CACNA2D1: variants seen among roughly 807,000 people sequenced by gnomAD.
CACNA2D1 encodes the protein voltage-dependent calcium channel subunit alpha-2/delta-1.
A neutral mutation model predicts 171.5 loss-of-function variants in CACNA2D1; 53 were observed. The ratio of observed to expected loss-of-function variants is 0.31; its 90% CI spans 0.25 to 0.39. The LOEUF is 0.39. CACNA2D1 is among the 10% of genes least tolerant of loss of function. The pLI, the probability that CACNA2D1 is intolerant of heterozygous loss-of-function variation, is 1.00. For missense variants in CACNA2D1, 903 were observed against 1,299.8 expected (o/e 0.69, Z 4.69); for synonymous variants, 442 against 443.1 (o/e 1.00, Z 0.03).
chr7:82,323,221 T>C (rs1399823393), intron 3 of CACNA2D1, among the ~76,000 whole-genome samples: 1 of 151,996 alleles, frequency 6.6e-6, no homozygotes, highest in Non-Finnish European at 1.5e-5. Flanking sequence ...AACTAGCACA[T>C]TCAGATCAGA....
rs1244703563 is a variant in CACNA2D1 at position 82,098,884 on chromosome 7, TCAA to T, written c.527-13987_527-13985del. Among the ~76,000 whole-genome samples, 15 of 152,284 alleles carry T rather than the reference TCAA, an allele frequency of 9.9e-5. No individual in the cohort carries two copies. The East Asian group carries it at 2.9e-3, about 29-fold the overall frequency. On this transcript the variant is annotated intron_variant, in intron 6 of 38. Coordinates refer to ENST00000356860, the MANE Select transcript of CACNA2D1 (RefSeq NM_000722.4). Reference sequence around the variant, plus strand: ...TAGAAACTTATCAGATTTTTAATCCTCAACAATAAAACTATAAATGACTTTTCA... The same window carrying T: ...TAGAAACTTATCAGATTTTTAATCCTCAATAAAACTATAAATGACTTTTCA...
intron 37 of CACNA2D1, 89 bp downstream of exon 37, chr7:81,959,631 T>A: frequency 7.3e-7 from 1 of 1,375,590 alleles, no homozygotes; most frequent in Non-Finnish European, 1.0e-6. Context: ...GTCTAATAGT[T>A]TTCTCTTTAT....
intron 22 of CACNA2D1, 38 bp from the exon 23 acceptor site, chr7:81,983,372 A>G: frequency 6.5e-7 from 1 of 1,546,744 alleles, no homozygotes; most frequent in African/African-American, 1.4e-5. Flanking sequence ...CAGGGAAACA[A>G]AAAAAAAAGA....
chr7:82,407,829 G>T (rs569990193), intron 1 of CACNA2D1, among the ~76,000 whole-genome samples: 66 of 151,908 alleles, frequency 4.3e-4, no homozygotes, highest in Non-Finnish European at 7.9e-4. Context: ...CTATTGAACT[G>T]ATATAGCCCA....
chr7:82,213,686 T>C (rs1046181432), intron 3 of CACNA2D1, among the ~76,000 whole-genome samples: 2 of 152,154 alleles, frequency 1.3e-5, no homozygotes, highest in African/African-American at 4.8e-5. Context: ...CTGACCATTG[T>C]TTACTCTTCT....
Position 82,094,617 on chromosome 7 carries a change from T to A in CACNA2D1, c.527-9717A>T, listed in dbSNP as rs547419602. ...GCAGATCTTAATACAGACAGGAATC[T>A]TTTTCTCTTCCAATAAATCATGTAT... is the stretch of plus-strand genomic sequence containing the variant. On this transcript the variant is annotated intron_variant, in intron 6 of 38. Transcript: ENST00000356860. 2.8e-5 allele frequency among the ~76,000 whole-genome samples: 4 copies of A among 141,942 alleles called. No individual in the cohort carries two copies. The East Asian group carries it at 8.0e-4, about 28-fold the overall frequency. 93.1% of individuals were successfully genotyped at this position (141,942 alleles called of 152,430 possible). A position where few individuals can be genotyped will look rare whatever the true frequency, so the allele number is the denominator to read the frequency against.
intron 1 of CACNA2D1, among the ~76,000 whole-genome samples, chr7:82,365,196 T>G (rs1821545696): frequency 6.6e-6 from 1 of 152,170 alleles, no homozygotes; most frequent in Admixed American, 6.5e-5. Context: ...ATGTGGGGTT[T>G]CCCTTAAAAA....
intron 24 of CACNA2D1, among the ~76,000 whole-genome samples, chr7:81,976,951 G>A (rs1250135333): frequency 6.6e-6 from 1 of 152,198 alleles, no homozygotes; most frequent in African/African-American, 2.4e-5. Context: ...GAGATTTTGG[G>A]AAGAGACAAT....
intron 6 of CACNA2D1, among the ~76,000 whole-genome samples, chr7:82,095,089 G>C (rs916030311): frequency 9.9e-5 from 15 of 152,232 alleles, no homozygotes; most frequent in Middle Eastern, 6.8e-3. Flanking sequence ...ACAAGCCCAA[G>C]CCATAACAAG....
At chr7:82,248,288 T>C (rs1340152286) in intron 3 of CACNA2D1, among the ~76,000 whole-genome samples, 1 of 152,218 alleles carries the variant, frequency 6.6e-6, no homozygotes, top group African/African-American at 2.4e-5. Flanking sequence ...CATGTCTCTG[T>C]GACGGTTCTT....
At position 82,117,179 on chromosome 7, in the gene CACNA2D1, T is replaced by C. The variant is rs200817801; in HGVS notation, c.397-6A>G. The C allele has an allele frequency of 2.9e-4, 470 of 1,613,158 alleles. No individual in the cohort carries two copies. Among genetic ancestry groups the C allele is most frequent in the South Asian group, 1.5e-3 (139 of 91,072 alleles). On this transcript the variant is annotated splice_polypyrimidine_tract_variant and splice_region_variant and intron_variant, in intron 5 of 38. Coordinates refer to ENST00000356860, the MANE Select transcript of CACNA2D1 (RefSeq NM_000722.4). Reference sequence around the variant, plus strand: ...TCACTGTCATTTTTCTCAGGCTATATAGAAAAAGAATAAACAGAATATTAC... The same window carrying C: ...TCACTGTCATTTTTCTCAGGCTATACAGAAAAAGAATAAACAGAATATTAC...
At position 81,947,253 on chromosome 7, in the gene CACNA2D1, C is replaced by G. The variant is rs1000512118; in HGVS notation, c.*3139G>C. 59 of 151,410 alleles carry G rather than the reference C, an allele frequency of 3.9e-4. No individual in the cohort carries two copies. The highest frequency in any genetic ancestry group is 1.4e-3 in the African/African-American group (57 of 41,364). 9.4% of individuals were successfully genotyped at this position (151,410 alleles called of 1,614,324 possible). On this transcript the variant is annotated 3_prime_UTR_variant, in exon 39 of 39. Transcript: ENST00000356860. Reference sequence around the variant, plus strand: ...TAAAAGGGATACTGCCTATTTGAACCCGATAAGTCCAGTTTTAAAGTTAAT... The same window carrying G: ...TAAAAGGGATACTGCCTATTTGAACGCGATAAGTCCAGTTTTAAAGTTAAT...
intron 15 of CACNA2D1, 92 bp from the exon 16 acceptor site, chr7:82,007,848 T>G (rs967447025): frequency 1.3e-6 from 1 of 747,320 alleles, no homozygotes; most frequent in Admixed American, 1.9e-5. Flanking sequence ...GATTGCATTT[T>G]ATAGTTACTT....
chr7:82,217,505 A>T (rs1801273968), intron 3 of CACNA2D1, among the ~76,000 whole-genome samples: 1 of 149,086 alleles, frequency 6.7e-6, no homozygotes, highest in African/African-American at 2.5e-5. Context: ...TTCCAAAGTC[A>T]ACTAAAAAGT....
chr7:82,353,321 A>G (rs1436584002), intron 1 of CACNA2D1, among the ~76,000 whole-genome samples: 1 of 152,078 alleles, frequency 6.6e-6, no homozygotes, highest in African/African-American at 2.4e-5. Context: ...TTTCTCAGGT[A>G]GAGGATGATG....
In CACNA2D1 at chr7:82,277,745, C is replaced by CTTTTTTTTTTT. The variant is rs1186719410; in HGVS notation, c.294+57389_294+57390insAAAAAAAAAAA. Among the ~76,000 whole-genome samples, 4 of 142,094 alleles carry CTTTTTTTTTTT rather than the reference C, an allele frequency of 2.8e-5. 1 individual carries two copies. Among genetic ancestry groups the CTTTTTTTTTTT allele is most frequent in the Non-Finnish European group, 1.5e-5 (1 of 66,144 alleles). 93.2% of individuals were successfully genotyped at this position (142,094 alleles called of 152,430 possible). On this transcript the variant is annotated intron_variant, in intron 3 of 38. Coordinates refer to ENST00000356860, the MANE Select transcript of CACNA2D1 (RefSeq NM_000722.4). ...GCATATTTGATTTTTTAATTTTTTA[C>CTTTTTTTTTTT]TTTTATTTTTTTTTTTTTGAGATGG...
chr7:82,277,135 A>G (rs1016564740), intron 3 of CACNA2D1, among the ~76,000 whole-genome samples: 1 of 152,128 alleles, frequency 6.6e-6, no homozygotes, highest in Non-Finnish European at 1.5e-5. Flanking sequence ...GTTTTGTTGG[A>G]CAGACTTTTC....
At chr7:82,009,737 T>C (rs1428345874) in intron 15 of CACNA2D1, among the ~76,000 whole-genome samples, 1 of 152,044 alleles carries the variant, frequency 6.6e-6, no homozygotes, top group Admixed American at 6.6e-5. Flanking sequence ...TGGGCCCAAC[T>C]TGAATTTTTT....
intron 10 of CACNA2D1, among the ~76,000 whole-genome samples, chr7:82,038,918 G>T (rs557365631): frequency 6.6e-6 from 1 of 152,064 alleles, no homozygotes. Context: ...ATTTAAGAAC[G>T]ATCATCAAAG....
Sources: allele counts gnomAD v4.1 joint callset (sites outside exome capture counted in the v4.1 genomes callset), GRCh38; gene constraint gnomAD v4.1.1; transcripts MANE v1.5; gene names NCBI Gene and HGNC (gene_info 2026-07-23, HGNC 2026-07-21).